The following DGKB variants were observed in gnomAD, a reference collection of about 807,000 sequenced individuals.
DGKB encodes the protein 90 kDa diacylglycerol kinase.
DGKB carries 67 observed loss-of-function variants against 114.3 expected under a neutral mutation model. That is an observed-to-expected ratio of 0.59 (90% CI 0.48 to 0.72). The LOEUF (loss-of-function observed/expected upper bound fraction) is 0.72. Ranked by LOEUF, DGKB falls within the 30% of genes least tolerant of loss-of-function variation. The probability of loss-of-function intolerance (pLI) is 0.00; values close to 1 mark genes in which losing one functional copy is unlikely to be tolerated. For missense variants in DGKB, 907 were observed against 975.2 expected, an observed-to-expected ratio of 0.93 and a Z score of 0.93; for synonymous variants, 398 against 323.1, an observed-to-expected ratio of 1.23 and a Z score of -2.49.
At chr7:14,582,392 TA>T (rs143842357) in intron 18 of DGKB, among the ~76,000 whole-genome samples, 3,945 of 152,284 alleles carry the variant, frequency 0.026, 66 homozygotes, top group African/African-American at 0.028. Flanking sequence ...TATTTGCTCA[TA>T]AAAATCGAGC....
At chr7:14,396,080 T>C (rs1822169395) in intron 21 of DGKB, among the ~76,000 whole-genome samples, 1 of 152,062 alleles carries the variant, frequency 6.6e-6, no homozygotes. Context: ...GTAGGGCAGG[T>C]TAACCTTACA....
intron 21 of DGKB, among the ~76,000 whole-genome samples, chr7:14,463,795 G>C (rs1563238577): frequency 6.6e-6 from 1 of 152,152 alleles, no homozygotes; most frequent in Non-Finnish European, 1.5e-5. Flanking sequence ...TATCTCCTAA[G>C]ATTGTGTGTG....
intron 13 of DGKB, among the ~76,000 whole-genome samples, chr7:14,660,781 T>C (rs1163988201): frequency 6.6e-6 from 1 of 151,930 alleles, no homozygotes; most frequent in African/African-American, 2.4e-5. Flanking sequence ...GCTGGAGGCA[T>C]CACACTACCT....
intron 21 of DGKB, among the ~76,000 whole-genome samples, chr7:14,390,363 A>G (rs1044635552): frequency 6.6e-6 from 1 of 152,182 alleles, no homozygotes; most frequent in Non-Finnish European, 1.5e-5. Context: ...TGACTGTACT[A>G]ACAGCTTGGC....
chr7:14,295,827 G>A (rs1326869166), intron 23 of DGKB, among the ~76,000 whole-genome samples: 2 of 151,968 alleles, frequency 1.3e-5, no homozygotes, highest in Non-Finnish European at 2.9e-5. Flanking sequence ...TCTACATTAA[G>A]TATTTCTTCT....
At chr7:14,568,428 A>G (rs1205002514) in intron 20 of DGKB, among the ~76,000 whole-genome samples, 1 of 152,130 alleles carries the variant, frequency 6.6e-6, no homozygotes, top group Non-Finnish European at 1.5e-5. Flanking sequence ...TGTGCAGGCA[A>G]GTGATTGAGA....
At chr7:14,828,455 T>C (rs1415737448) in intron 2 of DGKB, among the ~76,000 whole-genome samples, 1 of 152,064 alleles carries the variant, frequency 6.6e-6, no homozygotes, top group Non-Finnish European at 1.5e-5. Context: ...CTTAGACAGT[T>C]GGAATAAGAA....
At chr7:14,541,756 C>T (rs1454535217) in intron 20 of DGKB, among the ~76,000 whole-genome samples, 1 of 152,188 alleles carries the variant, frequency 6.6e-6, no homozygotes. Flanking sequence ...TGCTGAAACC[C>T]TTTCTTCCAT....
intron 3 of DGKB, 116 bp downstream of exon 3, chr7:14,757,539 T>C (rs532448264): frequency 3.3e-6 from 2 of 599,136 alleles, no homozygotes; most frequent in African/African-American, 2.1e-5. Context: ...ATATAATGTA[T>C]ATGTGTACAT....
chr7:14,655,021 T>C (rs768304106), intron 13 of DGKB, among the ~76,000 whole-genome samples: 27 of 151,634 alleles, frequency 1.8e-4, no homozygotes, highest in Non-Finnish European at 3.8e-4. Flanking sequence ...AAAAGAAAAA[T>C]GGACAAACAA....
chr7:14,509,798 C>T (rs1787704926), intron 20 of DGKB, among the ~76,000 whole-genome samples: 1 of 152,196 alleles, frequency 6.6e-6, no homozygotes, highest in African/African-American at 2.4e-5. Context: ...GGGGTACCTG[C>T]TGGGTGGTGT....
At chr7:14,906,394 G>T (rs1392309594), upstream of DGKB, among the ~76,000 whole-genome samples, 1 of 149,254 alleles carries the variant, frequency 6.7e-6, no homozygotes, top group African/African-American at 2.4e-5. Flanking sequence ...AAACTGTGAA[G>T]TATCAGAAGT....
intron 23 of DGKB, among the ~76,000 whole-genome samples, chr7:14,232,304 A>T (rs886291431): frequency 6.6e-6 from 1 of 151,698 alleles, no homozygotes; most frequent in Non-Finnish European, 1.5e-5. Flanking sequence ...TTTAGAATCC[A>T]TATGTCTTTT....
At chr7:14,845,138 A>C (rs1332436596) in intron 1 of DGKB, among the ~76,000 whole-genome samples, 1 of 138,288 alleles carries the variant, frequency 7.2e-6, no homozygotes, top group Admixed American at 7.2e-5. Flanking sequence ...AAAAAAAAAA[A>C]AGAAAGAAAG....
At chr7:14,827,189 T>C (rs537151399) in intron 2 of DGKB, among the ~76,000 whole-genome samples, 116 of 152,272 alleles carry the variant, frequency 7.6e-4, no homozygotes, top group Non-Finnish European at 1.3e-3. Context: ...TACCTTCTCA[T>C]ATTATCATAT....
chr7:14,319,726 C>T (rs956373576), intron 23 of DGKB, among the ~76,000 whole-genome samples: 1 of 152,134 alleles, frequency 6.6e-6, no homozygotes, highest in Non-Finnish European at 1.5e-5. Flanking sequence ...GATAAATCCT[C>T]TAAAGAGTCA....
intron 1 of DGKB, among the ~76,000 whole-genome samples, chr7:14,854,720 G>A (rs912896704): frequency 2.0e-5 from 3 of 152,128 alleles, no homozygotes; most frequent in Non-Finnish European, 2.9e-5. Context: ...TGAGGCCTGT[G>A]GGCTGGGGAC....
chr7:14,676,556 C>CAAAATTAAAATAAAAAATTAAAAT (rs1819891223), intron 12 of DGKB, among the ~76,000 whole-genome samples: 1 of 151,906 alleles, frequency 6.6e-6, no homozygotes, highest in African/African-American at 2.4e-5. Context: ...TATATACCTA[C>CAAAATTAAAATAAAAAATTAAAAT]TAAGTACCCA....
At chr7:14,156,770 G>C (rs1213273412) in intron 25 of DGKB, among the ~76,000 whole-genome samples, 1 of 152,032 alleles carries the variant, frequency 6.6e-6, no homozygotes, top group Non-Finnish European at 1.5e-5. Context: ...CTAAAAGATG[G>C]ATAAAAGTGG....
Sources: allele counts gnomAD v4.1 joint callset (sites outside exome capture counted in the v4.1 genomes callset), GRCh38; gene constraint gnomAD v4.1.1; transcripts MANE v1.5; gene names NCBI Gene and HGNC (gene_info 2026-07-23, HGNC 2026-07-21).